The following IQGAP2 variants were observed in gnomAD, a reference collection of about 807,000 sequenced individuals.
The protein encoded by IQGAP2 is ras GTPase-activating-like protein IQGAP2.
In IQGAP2, 173 loss-of-function variants were observed where a neutral mutation model predicts 201.3. The ratio of observed to expected loss-of-function variants is 0.86; its 90% CI spans 0.76 to 0.98. The LOEUF (loss-of-function observed/expected upper bound fraction) is 0.98. Ranked by LOEUF, IQGAP2 falls within the 50% of genes least tolerant of loss-of-function variation. The probability of loss-of-function intolerance (pLI) is 0.00; values close to 1 mark genes in which losing one functional copy is unlikely to be tolerated. For synonymous variants in IQGAP2, 675 were observed against 673.9 expected (o/e 1.00, Z -0.03); for missense variants, 1,687 against 1,864.8 (o/e 0.90, Z 1.76).
At chr5:76,617,682 A>G (rs1749118729) in intron 13 of IQGAP2, 1 of 1,614,132 alleles carries the variant, frequency 6.2e-7, no homozygotes, top group Non-Finnish European at 8.5e-7. Context: ...GCACAAAGCT[A>G]TGAGATATAT....
chr5:76,685,829 C>T (rs1580817719), intron 30 of IQGAP2, among the ~76,000 whole-genome samples: 1 of 152,202 alleles, frequency 6.6e-6, no homozygotes, highest in African/African-American at 2.4e-5. Flanking sequence ...TTAAAGTGTA[C>T]ATGCATTTAG....
chr5:76,701,098 C>T lies in IQGAP2; in HGVS notation c.4390C>T (p.Leu1464=), dbSNP rs142548903. Residue 1464 remains leucine, a synonymous_variant, in exon 34 of 36, where the codon CTA becomes TTA. Transcript: ENST00000274364. ...CAGAAATACTCGGAGATCAATTAAA[C>T]TAGATGGAAAAGGAGAACCCAAAGG... ...KRKNTRRSIK[L]DGKGEPKGAK... 3 of 1,614,030 alleles carry T rather than the reference C, an allele frequency of 1.9e-6. No individual in the cohort carries two copies. The African/African-American group carries it at 4.0e-5, about 22-fold the overall frequency.
intron 1 of IQGAP2, among the ~76,000 whole-genome samples, chr5:76,454,644 A>G (rs1300475749): frequency 6.6e-6 from 1 of 151,504 alleles, no homozygotes; most frequent in African/African-American, 2.4e-5. Flanking sequence ...ATGGCTGCAT[A>G]GTATTCCATG....
chr5:76,559,847 C>T (rs1310066929), intron 2 of IQGAP2, among the ~76,000 whole-genome samples: 1 of 152,146 alleles, frequency 6.6e-6, no homozygotes, highest in Non-Finnish European at 1.5e-5. Context: ...ATAGTCCCCA[C>T]TGAGTGTGGT....
chr5:76,623,041 A>G (rs1408192532), intron 13 of IQGAP2: 3 of 814,518 alleles, frequency 3.7e-6, no homozygotes, highest in Non-Finnish European at 6.2e-6. Flanking sequence ...ACCTTTTAAT[A>G]ATAAAGATCA....
At chr5:76,419,993 A>T (rs1020561824) in intron 1 of IQGAP2, among the ~76,000 whole-genome samples, 1 of 152,112 alleles carries the variant, frequency 6.6e-6, no homozygotes, top group East Asian at 1.9e-4. Context: ...AGTTTCTCGC[A>T]TTGCCTTTGG....
intron 13 of IQGAP2, among the ~76,000 whole-genome samples, chr5:76,612,056 A>C (rs914434398): frequency 3.9e-5 from 6 of 152,258 alleles, no homozygotes; most frequent in African/African-American, 1.4e-4. Flanking sequence ...TTTGTCAGGC[A>C]TGATATTAGA....
intron 1 of IQGAP2, among the ~76,000 whole-genome samples, chr5:76,425,787 C>T (rs1751961121): frequency 6.6e-6 from 1 of 152,120 alleles, no homozygotes; most frequent in Admixed American, 6.5e-5. Context: ...TTTTGCTGGC[C>T]TTGCTTTTCG....
intron 3 of IQGAP2, among the ~76,000 whole-genome samples, chr5:76,565,701 G>A (rs1744696977): frequency 6.6e-6 from 1 of 152,192 alleles, no homozygotes; most frequent in Non-Finnish European, 1.5e-5. Context: ...ATAGCTGTTG[G>A]ATGAAGGAAT....
chr5:76,510,136 A>T (rs1361848471), intron 2 of IQGAP2, among the ~76,000 whole-genome samples: 1 of 151,864 alleles, frequency 6.6e-6, no homozygotes, highest in East Asian at 1.9e-4. Context: ...AGTAGCTGGG[A>T]TTACAGGCAC....
chr5:76,652,837 A>G lies in IQGAP2; in HGVS notation c.2178+4A>G. On this transcript the variant is annotated splice_donor_region_variant and intron_variant, in intron 18 of 35. Transcript: ENST00000274364. Reference sequence around the variant, plus strand: ...TAATACTGATTCTATTGTGAAGGTAAATACCCTTTCCTACCATACCAAGTG... The same window carrying G: ...TAATACTGATTCTATTGTGAAGGTAGATACCCTTTCCTACCATACCAAGTG... 2 of 1,559,096 alleles carry G rather than the reference A, an allele frequency of 1.3e-6. No homozygotes were observed. Among genetic ancestry groups the G allele is most frequent in the Non-Finnish European group, 1.8e-6 (2 of 1,129,516 alleles).
At chr5:76,520,692 T>G (rs1405909823) in intron 2 of IQGAP2, among the ~76,000 whole-genome samples, 1 of 142,576 alleles carries the variant, frequency 7.0e-6, no homozygotes, top group Non-Finnish European at 1.5e-5. Flanking sequence ...ACATCATAGG[T>G]CTCTCCTCTT....
At chr5:76,477,725 T>C (rs1427950961) in intron 2 of IQGAP2, among the ~76,000 whole-genome samples, 2 of 152,180 alleles carry the variant, frequency 1.3e-5, no homozygotes, top group Non-Finnish European at 2.9e-5. Flanking sequence ...GAGAAGGCAT[T>C]GTTATCATAG....
intron 1 of IQGAP2, among the ~76,000 whole-genome samples, chr5:76,454,194 C>T (rs1010494284): frequency 7.2e-5 from 11 of 152,086 alleles, no homozygotes; most frequent in African/African-American, 2.4e-4. Flanking sequence ...ACCCACAAAC[C>T]CAGTCTGCAG....
rs374567693 is a variant in IQGAP2, at chr5:76,565,518, G to A, written c.303+2966G>A. On this transcript the variant is annotated intron_variant, in intron 3 of 35. Transcript: ENST00000274364. Reference sequence around the variant, plus strand: ...AAGTATTTTTTCCATGGCCACCTCCGCCCTCCACACCAGGTCTGAGTTACA... The same window carrying A: ...AAGTATTTTTTCCATGGCCACCTCCACCCTCCACACCAGGTCTGAGTTACA... 5.3e-5 allele frequency among the ~76,000 whole-genome samples: 8 copies of A among 152,208 alleles called. No individual in the cohort carries two copies. In the East Asian group the frequency reaches 1.2e-3, roughly 22 times the overall value.
rs778414499 is a variant in IQGAP2, at chr5:76,677,227, CA to C, written c.3540del (p.Glu1181LysfsTer21). The C allele has an allele frequency of 6.2e-7, 1 of 1,612,422 alleles. No homozygotes were observed. Among genetic ancestry groups the C allele is most frequent in the African/African-American group, 1.3e-5 (1 of 74,852 alleles). The part of the protein sequence containing the change: ...ETYQEFRKYF[K>X]EACNVPEPEE... The stretch of plus-strand genomic sequence containing the variant: ...TTCCCCCCTTTATTAGGAAATATTT[CA>C]AAGAAGCATGTAATGTCCCTGAGCC... On this transcript the variant is annotated frameshift_variant, in exon 28 of 36. Coordinates refer to ENST00000274364, the MANE Select transcript of IQGAP2 (RefSeq NM_006633.5). LOFTEE classifies it high-confidence loss of function.
chr5:76,699,322 T>C (rs959994049), intron 33 of IQGAP2: 1 of 152,218 alleles, frequency 6.6e-6, no homozygotes, highest in African/African-American at 2.4e-5. Context: ...CGAATAGTAT[T>C]CTTCTGTGTG....
intron 12 of IQGAP2, chr5:76,608,080 G>A (rs1747955506): frequency 6.6e-6 from 1 of 152,230 alleles, no homozygotes; most frequent in African/African-American, 2.4e-5. Context: ...TGCTTTAGTT[G>A]GTTACTGGGG....
At chr5:76,501,527 T>A (rs1757272535) in intron 2 of IQGAP2, among the ~76,000 whole-genome samples, 1 of 152,058 alleles carries the variant, frequency 6.6e-6, no homozygotes. Context: ...TTGTCTGGTG[T>A]TCCCCCTTAT....
Sources: gnomAD v4.1 joint callset for allele counts (sites outside exome capture counted in the v4.1 genomes callset) on GRCh38, gnomAD v4.1.1 for gene constraint, MANE v1.5 for transcripts, NCBI Gene and HGNC (gene_info 2026-07-23, HGNC 2026-07-21) for gene names.